The following HCN1 variants were observed in gnomAD, a reference collection of about 807,000 sequenced individuals.
HCN1 encodes hyperpolarization activated cyclic nucleotide gated potassium channel 1.
HCN1 carries 13 observed loss-of-function variants against 78.9 expected under a neutral mutation model. The ratio of observed to expected loss-of-function variants is 0.16; its 90% CI spans 0.11 to 0.26. The LOEUF (loss-of-function observed/expected upper bound fraction) is 0.26, where lower values mean the gene tolerates loss of function less well. HCN1 is among the 10% of genes least tolerant of loss of function. HCN1 has a pLI of 1.00. For missense variants in HCN1, 810 were observed against 1,154.3 expected, an observed-to-expected ratio of 0.70 and a Z score of 4.32; for synonymous variants, 552 against 455.5, an observed-to-expected ratio of 1.21 and a Z score of -2.70.
intron 2 of HCN1, among the ~76,000 whole-genome samples, chr5:45,544,911 T>A (rs551024491): frequency 6.6e-6 from 1 of 152,052 alleles, no homozygotes; most frequent in Non-Finnish European, 1.5e-5. Context: ...AATAAACATA[T>A]GTGTGCATGT....
intron 3 of HCN1, among the ~76,000 whole-genome samples, chr5:45,419,420 G>T (rs965226621): frequency 3.9e-5 from 6 of 152,120 alleles, no homozygotes; most frequent in African/African-American, 1.4e-4. Flanking sequence ...TAACCAGGAC[G>T]CCAAGCAATC....
chr5:45,497,895 A>C (rs1742081474), intron 2 of HCN1, among the ~76,000 whole-genome samples: 2 of 152,156 alleles, frequency 1.3e-5, no homozygotes, highest in South Asian at 2.1e-4. Context: ...CTTTTCTTTA[A>C]GAATGTTGAA....
intron 1 of HCN1, among the ~76,000 whole-genome samples, chr5:45,656,714 C>G (rs910985493): frequency 1.3e-5 from 2 of 152,146 alleles, no homozygotes; most frequent in African/African-American, 4.8e-5. Context: ...TGATCAAAGA[C>G]AGCCAAGAAT....
At chr5:45,313,587 C>T (rs1745907972) in intron 5 of HCN1, among the ~76,000 whole-genome samples, 1 of 152,114 alleles carries the variant, frequency 6.6e-6, no homozygotes, top group Non-Finnish European at 1.5e-5. Context: ...GGAGGAAGTG[C>T]AAATCCACCG....
At chr5:45,618,021 GCT>G (rs1270976808) in intron 2 of HCN1, among the ~76,000 whole-genome samples, 10 of 135,496 alleles carry the variant, frequency 7.4e-5, no homozygotes, top group African/African-American at 2.2e-4. Flanking sequence ...TTTCTCAGGA[GCT>G]CATTATACTA....
chr5:45,636,211 G>A (rs573073463), intron 2 of HCN1, among the ~76,000 whole-genome samples: 14 of 152,114 alleles, frequency 9.2e-5, no homozygotes, highest in African/African-American at 2.9e-4. Flanking sequence ...AAAGTGACTC[G>A]TTCAACTGAG....
intron 2 of HCN1, among the ~76,000 whole-genome samples, chr5:45,610,327 C>A (rs192205038): frequency 6.6e-6 from 1 of 151,982 alleles, no homozygotes; most frequent in East Asian, 1.9e-4. Context: ...CATATGTCTG[C>A]ATAACAATAA....
intron 2 of HCN1, among the ~76,000 whole-genome samples, chr5:45,571,218 T>G (rs1022277196): frequency 6.6e-6 from 1 of 152,166 alleles, no homozygotes; most frequent in East Asian, 1.9e-4. Flanking sequence ...TGTCCACTAG[T>G]ACCCATGTGA....
In HCN1 at chr5:45,466,797, A is replaced by G. The variant is rs193160490; in HGVS notation, c.850-4790T>C. ...TCATCTTTCCATGCTTTAGGTACAA[A>G]GTGTAGAAGGTTTTACTTCATATGA... On this transcript the variant is annotated intron_variant, in intron 2 of 7. Coordinates refer to ENST00000303230, the MANE Select transcript of HCN1 (RefSeq NM_021072.4). Among the ~76,000 whole-genome samples the G allele has an allele frequency of 2.1e-4, 32 of 152,264 alleles. No individual in the cohort carries two copies. The East Asian group carries it at 6.0e-3, about 28-fold the overall frequency.
At chr5:45,634,333 A>G (rs1279601699) in intron 2 of HCN1, among the ~76,000 whole-genome samples, 2 of 151,998 alleles carry the variant, frequency 1.3e-5, no homozygotes, top group Admixed American at 1.3e-4. Context: ...CATATCTTCT[A>G]TGATACTCTT....
chr5:45,372,834 C>G lies in HCN1; in HGVS notation c.1231-19588G>C, dbSNP rs534324932. 1.4e-3 allele frequency among the ~76,000 whole-genome samples: 203 copies of G among 140,640 alleles called. 8 individuals are homozygous for G. In the South Asian group the frequency reaches 0.043, roughly 30 times the overall value. The allele number at this position is 140,640 out of a possible 152,430, so 92.3% of individuals were successfully genotyped here. A position where few individuals can be genotyped will look rare whatever the true frequency, so the allele number is the denominator to read the frequency against. ...CACAAATATATGTACGTATTCTATA[C>G]AGAAAAATATGTTCGTATTCTATAC... On this transcript the variant is annotated intron_variant, in intron 4 of 7. Transcript: ENST00000303230.
intron 2 of HCN1, among the ~76,000 whole-genome samples, chr5:45,470,307 C>A (rs1323840069): frequency 6.6e-6 from 1 of 151,906 alleles, no homozygotes; most frequent in Non-Finnish European, 1.5e-5. Context: ...TGGTATTAAA[C>A]CAATAATATT....
intron 2 of HCN1, among the ~76,000 whole-genome samples, chr5:45,601,979 C>G (rs1281047164): frequency 6.6e-6 from 1 of 152,002 alleles, no homozygotes; most frequent in South Asian, 2.1e-4. Flanking sequence ...TTCCCCCAAG[C>G]CTGTTCTTGT....
chr5:45,517,815 A>G (rs769819046), intron 2 of HCN1, among the ~76,000 whole-genome samples: 1 of 152,062 alleles, frequency 6.6e-6, no homozygotes, highest in Non-Finnish European at 1.5e-5. Flanking sequence ...CTAAAAGGAC[A>G]TGATAATATC....
intron 2 of HCN1, among the ~76,000 whole-genome samples, chr5:45,589,025 C>T (rs1744300504): frequency 6.6e-6 from 1 of 152,048 alleles, no homozygotes; most frequent in Non-Finnish European, 1.5e-5. Context: ...TATGTAAAGA[C>T]AAGACAACAG....
chr5:45,655,968 G>T (rs546030408), intron 1 of HCN1, among the ~76,000 whole-genome samples: 1 of 152,098 alleles, frequency 6.6e-6, no homozygotes, highest in Non-Finnish European at 1.5e-5. Flanking sequence ...CAAAAAATAT[G>T]TACACAGCAG....
At chr5:45,353,542 T>G (rs1174630633) in intron 4 of HCN1, among the ~76,000 whole-genome samples, 2 of 151,948 alleles carry the variant, frequency 1.3e-5, no homozygotes, top group Non-Finnish European at 2.9e-5. Context: ...AAGCCAGTGA[T>G]GGGGCAAAAA....
At chr5:45,488,468 T>A (rs1222651226) in intron 2 of HCN1, among the ~76,000 whole-genome samples, 1 of 152,156 alleles carries the variant, frequency 6.6e-6, no homozygotes, top group African/African-American at 2.4e-5. Context: ...CAGCAGGGAC[T>A]GTTTATATTC....
chr5:45,383,394 A>C (rs2112027562), intron 4 of HCN1, among the ~76,000 whole-genome samples: 1 of 152,270 alleles, frequency 6.6e-6, no homozygotes, highest in East Asian at 1.9e-4. Flanking sequence ...ATCTACACCT[A>C]GATTTAAATT....
Sources: gnomAD v4.1 joint callset for allele counts (sites outside exome capture counted in the v4.1 genomes callset) on GRCh38, gnomAD v4.1.1 for gene constraint, MANE v1.5 for transcripts, NCBI Gene and HGNC (gene_info 2026-07-23, HGNC 2026-07-21) for gene names.